The following RPS27A variants were observed in gnomAD, a reference collection of about 807,000 sequenced individuals.
The protein encoded by RPS27A is ubiquitin-ribosomal protein eS31 fusion protein.
RPS27A carries 1 observed loss-of-function variant against 18.9 expected under a neutral mutation model. The observed-to-expected ratio is 0.05, with a 90% confidence interval of 0.02 to 0.25. The LOEUF (loss-of-function observed/expected upper bound fraction) is 0.25. Ranked by LOEUF, RPS27A falls within the 10% of genes least tolerant of loss-of-function variation. The pLI is 1.00. For missense variants in RPS27A, 123 were observed against 187.4 expected (o/e 0.66, Z 2.01); for synonymous variants, 77 against 63.7 (o/e 1.21, Z -0.99).
At position 55,235,783 on chromosome 2, in the gene RPS27A, T is replaced by G. The variant is rs1229547072; in HGVS notation, c.*206T>G. On this transcript the variant is annotated 3_prime_UTR_variant, in exon 6 of 6. Coordinates refer to ENST00000272317, the MANE Select transcript of RPS27A (RefSeq NM_002954.6). ...AGGTGCCAACCACTTGTAAAGGTCT[T>G]GATATTTTCAATTCTTAGACTACCT... is the stretch of plus-strand genomic sequence containing the variant. 4.9e-6 allele frequency: 3 copies of G among 609,838 alleles called. No individual in the cohort carries two copies. Among genetic ancestry groups the G allele is most frequent in the Non-Finnish European group, 8.7e-6 (3 of 344,926 alleles). 37.8% of individuals were successfully genotyped at this position (609,838 alleles called of 1,614,324 possible).
chr2:55,233,091 G>A (rs1238982134), intron 2 of RPS27A: 6 of 646,396 alleles, frequency 9.3e-6, no homozygotes, highest in African/African-American at 1.8e-5. Context: ...CAGCTAGTTA[G>A]TTAAAACGGA....
chr2:55,234,627 T>G, intron 4 of RPS27A: 1 of 625,246 alleles, frequency 1.6e-6, no homozygotes, highest in Non-Finnish European at 2.8e-6. Flanking sequence ...TTGCAAGTTG[T>G]ATCCCATGGT....
At position 55,235,644 on chromosome 2, in the gene RPS27A, GT is replaced by G. The variant is rs375779217; in HGVS notation, c.*72del. The G allele has an allele frequency of 6.4e-5, 99 of 1,546,584 alleles. No individual in the cohort carries two copies. The African/African-American group carries it at 9.3e-4, about 15-fold the overall frequency. On this transcript the variant is annotated 3_prime_UTR_variant, in exon 6 of 6. Coordinates refer to ENST00000272317, the MANE Select transcript of RPS27A (RefSeq NM_002954.6). ...GGGTTTTATTGCAGTAAAAAGAATG[GT>G]TTTTAAGCACCAAATTGATGGTCAC...
At chr2:55,233,889 C>T (rs933004512) in intron 3 of RPS27A, 5 of 589,056 alleles carry the variant, frequency 8.5e-6, no homozygotes, top group Admixed American at 5.9e-5. Flanking sequence ...CTCGACCTCC[C>T]AAAGTATTGG....
Position 55,233,889 on chromosome 2 carries a change from C to G in RPS27A, c.104-230C>G, listed in dbSNP as rs933004512. ...AAGTGATCTGCCCACCTCGACCTCC[C>G]AAAGTATTGGTATTACAGGTGTCAG... On this transcript the variant is annotated intron_variant, in intron 3 of 5. Transcript: ENST00000272317. 4 of 589,056 alleles carry G rather than the reference C, an allele frequency of 6.8e-6. No individual in the cohort carries two copies. In the African/African-American group the frequency reaches 7.5e-5, roughly 11 times the overall value. 36.5% of individuals were successfully genotyped at this position (589,056 alleles called of 1,614,324 possible).
rs536640822 is a variant in RPS27A, at chr2:55,232,918, C to T, written c.48+46C>T. 17 of 1,514,176 alleles carry T rather than the reference C, an allele frequency of 1.1e-5. 1 individual carries two copies. The Admixed American group carries it at 1.6e-4, about 14-fold the overall frequency. 93.8% of individuals were successfully genotyped at this position (1,514,176 alleles called of 1,614,324 possible). On this transcript the variant is annotated intron_variant, in intron 2 of 5. Transcript: ENST00000272317. The stretch of plus-strand genomic sequence containing the variant: ...AGGAAGCCAAGGTCCGAATAAGGTC[C>T]TGAGGTGGATTTTAGGACCGGCGCT...
In RPS27A at chr2:55,234,234, A is replaced by T. The variant is rs113768010; in HGVS notation, c.189+30A>T. The T allele has an allele frequency of 1.3e-4, 150 of 1,197,016 alleles. 1 individual carries two copies. The highest frequency in any genetic ancestry group is 1.1e-3 in the African/African-American group (72 of 64,584). The allele number at this position is 1,197,016 out of a possible 1,614,324, so 74.1% of individuals were successfully genotyped here. On this transcript the variant is annotated intron_variant, in intron 4 of 5. Transcript: ENST00000272317. Reference sequence around the variant, plus strand: ...GTCTAGGGGAAGAGCAGCCTCTTTTAAAAAAAAAATGTTATTTTGGAAATT... The same window carrying T: ...GTCTAGGGGAAGAGCAGCCTCTTTTTAAAAAAAAATGTTATTTTGGAAATT...
upstream of RPS27A, chr2:55,232,582 T>A (rs552306467): frequency 4.8e-5 from 28 of 582,904 alleles, no homozygotes; most frequent in East Asian, 8.3e-4. Context: ...TGGCACCGGG[T>A]TGGATTGTCG....
At chr2:55,233,932 G>C in intron 3 of RPS27A, 187 bp from the exon 4 acceptor site, 1 of 653,078 alleles carries the variant, frequency 1.5e-6, no homozygotes, top group East Asian at 2.7e-5. Context: ...AGACAACCAA[G>C]TATTGTCCCT....
chr2:55,233,110 G>T lies in RPS27A; in HGVS notation c.48+238G>T, dbSNP rs368746799. On this transcript the variant is annotated intron_variant, in intron 2 of 5. Transcript: ENST00000272317. ...TAGTTAGTTAAAACGGAGGAGCTGC[G>T]GTGGGGAAGGAGACGCTCTGCCCGC... is the stretch of plus-strand genomic sequence containing the variant. 5.0e-5 allele frequency: 32 copies of T among 638,680 alleles called. No individual in the cohort carries two copies. In the African/African-American group the frequency reaches 5.6e-4, roughly 11 times the overall value. The allele number at this position is 638,680 out of a possible 1,614,324, so 39.6% of individuals were successfully genotyped here.
In RPS27A at chr2:55,232,811, G is replaced by T; in HGVS notation, c.-14G>T. On this transcript the variant is annotated 5_prime_UTR_variant, in exon 2 of 6. Coordinates refer to ENST00000272317, the MANE Select transcript of RPS27A (RefSeq NM_002954.6). Reference sequence around the variant, plus strand: ...TCTTCCTTTTCCTCAACCTCAGGTGGAGCCGCCACCAAAATGCAGATTTTC... The same window carrying T: ...TCTTCCTTTTCCTCAACCTCAGGTGTAGCCGCCACCAAAATGCAGATTTTC... The T allele has an allele frequency of 6.2e-7, 1 of 1,611,322 alleles. No individual in the cohort carries two copies. The highest frequency in any genetic ancestry group is 8.5e-7 in the Non-Finnish European group (1 of 1,178,784).
chr2:55,234,802 G>C (rs765322578), intron 4 of RPS27A, 29 bp from the exon 5 acceptor site: 27 of 1,611,366 alleles, frequency 1.7e-5, no homozygotes, highest in Non-Finnish European at 2.2e-5. Flanking sequence ...GTGGAATCAT[G>C]AAAGCTTGCT....
Position 55,233,391 on chromosome 2 carries a change from T to G in RPS27A, c.77T>G (p.Val26Gly), listed in dbSNP as rs11557870. The G allele has an allele frequency of 6.2e-7, 1 of 1,613,544 alleles. No individual in the cohort carries two copies. The highest frequency in any genetic ancestry group is 1.3e-5 in the African/African-American group (1 of 74,904). The change falls in exon 3 of 6, where the codon GTA becomes GGA. Residue 26 changes from valine to glycine, a missense_variant. Physicochemically the swap from Val to Gly is moderately radical, Grantham distance 109. This residue lies in a region of RPS27A where 66 missense variants were observed against 72.6 expected (regional missense o/e 0.91). Transcript: ENST00000272317. ...GAACCCTCGGATACGATAGAAAATGTAAAGGCCAAGATCCAGGATAAGGAA... is the reference window on the plus strand; with the variant it reads ...GAACCCTCGGATACGATAGAAAATGGAAAGGCCAAGATCCAGGATAAGGAA... ...EVEPSDTIEN[V>G]KAKIQDKEGI...
chr2:55,232,191 G>C (rs1675474036), upstream of RPS27A: 1 of 160,208 alleles, frequency 6.2e-6, no homozygotes, highest in Non-Finnish European at 1.4e-5. Flanking sequence ...CCGTTCCCAC[G>C]CTCCGGAAAC....
At position 55,232,693 on chromosome 2, in the gene RPS27A, C is replaced by T. The variant is rs1353814682; in HGVS notation, c.-33C>T. The T allele has an allele frequency of 2.6e-5, 22 of 838,118 alleles. No individual in the cohort carries two copies. The highest frequency in any genetic ancestry group is 2.8e-5 in the Non-Finnish European group (14 of 498,918). The allele number at this position is 838,118 out of a possible 1,614,324, so 51.9% of individuals were successfully genotyped here. On this transcript the variant is annotated 5_prime_UTR_variant, in exon 1 of 6. Transcript: ENST00000272317. ...GGGCCTGCGCGGCGTTCTTCCTTTTCGATCCGCCATCTGCGGTGGGTGTCT... is the reference window on the plus strand; with the variant it reads ...GGGCCTGCGCGGCGTTCTTCCTTTTTGATCCGCCATCTGCGGTGGGTGTCT...
In RPS27A at chr2:55,235,131, C is replaced by T. The variant is rs188681531; in HGVS notation, c.321+169C>T. On this transcript the variant is annotated intron_variant, in intron 5 of 5. Transcript: ENST00000272317. ...AAATTCAGACTTTCTGGGGTTTTTC[C>T]TGTTTGGTATTTGAAATCAGTTATG... 5.9e-4 allele frequency: 489 copies of T among 829,550 alleles called. 1 individual carries two copies. Among genetic ancestry groups the T allele is most frequent in the Non-Finnish European group, 8.4e-4 (444 of 528,548 alleles). The allele number at this position is 829,550 out of a possible 1,614,324, so 51.4% of individuals were successfully genotyped here. A position where few individuals can be genotyped will look rare whatever the true frequency, so the allele number is the denominator to read the frequency against.
At chr2:55,234,809 T>A (rs775885433) in intron 4 of RPS27A, 22 bp from the exon 5 acceptor site, 13 of 1,611,742 alleles carry the variant, frequency 8.1e-6, no homozygotes, top group Non-Finnish European at 1.1e-5. Flanking sequence ...CATGAAAGCT[T>A]GCTTCATTCT....
In RPS27A at chr2:55,234,823, A is replaced by AT; in HGVS notation, c.190-6dup. 1 of 1,612,012 alleles carries AT rather than the reference A, an allele frequency of 6.2e-7. No individual in the cohort carries two copies. The highest frequency in any genetic ancestry group is 2.2e-5 in the East Asian group (1 of 44,852). On this transcript the variant is annotated splice_polypyrimidine_tract_variant and splice_region_variant and intron_variant, in intron 4 of 5. Transcript: ENST00000272317. Reference sequence around the variant, plus strand: ...TCATGAAAGCTTGCTTCATTCTTCCATTAACAGGAGTCTACTCTTCATCTT... The same window carrying AT: ...TCATGAAAGCTTGCTTCATTCTTCCATTTAACAGGAGTCTACTCTTCATCTT...
chr2:55,235,801 G>T lies in RPS27A; in HGVS notation c.*224G>T. On this transcript the variant is annotated 3_prime_UTR_variant, in exon 6 of 6. Transcript: ENST00000272317. ...AAGGTCTTGATATTTTCAATTCTTA[G>T]ACTACCTATACTTTGGCAGAAGTTA... 1.7e-6 allele frequency: 1 copy of T among 589,842 alleles called. No homozygotes were observed. The highest frequency in any genetic ancestry group is 3.0e-6 in the Non-Finnish European group (1 of 331,702). 36.5% of individuals were successfully genotyped at this position (589,842 alleles called of 1,614,324 possible). A position where few individuals can be genotyped will look rare whatever the true frequency, so the allele number is the denominator to read the frequency against.
Sources: gnomAD v4.1 joint callset for allele counts on GRCh38, gnomAD v4.1.1 for gene constraint, gnomAD v4.1.1 regional missense constraint, MANE v1.5 for transcripts, NCBI Gene and HGNC (gene_info 2026-07-23, HGNC 2026-07-21) for gene names.